The following RAB11FIP3 variants were observed in gnomAD, a reference collection of about 807,000 sequenced individuals.
The protein encoded by RAB11FIP3 is RAB11 family interacting protein 3.
A neutral mutation model predicts 77.8 loss-of-function variants in RAB11FIP3; 17 were observed. That is an observed-to-expected ratio of 0.22 (90% confidence interval 0.15 to 0.33). The LOEUF is 0.33. RAB11FIP3 is among the 10% of genes least tolerant of loss of function. The pLI is 1.00. For synonymous variants in RAB11FIP3, 437 were observed against 448.2 expected (o/e 0.98, Z 0.31); for missense variants, 1,005 against 1,011.2 (o/e 0.99, Z 0.08).
At chr16:459,954 G>A (rs574425832) in intron 1 of RAB11FIP3, among the ~76,000 whole-genome samples, 2 of 146,414 alleles carry the variant, frequency 1.4e-5, no homozygotes, top group Non-Finnish European at 3.0e-5. Flanking sequence ...CTCTGCTCAC[G>A]GCAACTTCTG....
rs571949528 is a variant in RAB11FIP3, at chr16:442,195, G to C, written c.714+15475G>C. ...GTGTTGCCCAGGCCGGAGCGCAGTGGCTGTTTATAGGCTCTGTCACAGTCA... is the reference window on the plus strand; with the variant it reads ...GTGTTGCCCAGGCCGGAGCGCAGTGCCTGTTTATAGGCTCTGTCACAGTCA... On this transcript the variant is annotated intron_variant, in intron 1 of 13. Transcript: ENST00000262305. Among the ~76,000 whole-genome samples the C allele has an allele frequency of 9.9e-5, 15 of 152,250 alleles. No homozygotes were observed. The South Asian group carries it at 3.1e-3, about 32-fold the overall frequency.
Position 461,572 on chromosome 16 carries a change from C to T in RAB11FIP3, c.808+75C>T, listed in dbSNP as rs1031537303. Reference sequence around the variant, plus strand: ...ACCCTCTCAGCCACCTGCACATCACCAGGCTCCTCGTGCTGACTCTAACAT... The same window carrying T: ...ACCCTCTCAGCCACCTGCACATCACTAGGCTCCTCGTGCTGACTCTAACAT... On this transcript the variant is annotated intron_variant, in intron 2 of 13. Transcript: ENST00000262305. This position sits in a 1 kb window ranked among gnomAD's most constrained non-coding sequence, Gnocchi z 4.5. 1 of 1,245,318 alleles carries T rather than the reference C, an allele frequency of 8.0e-7. No homozygotes were observed. The highest frequency in any genetic ancestry group is 1.2e-6 in the Non-Finnish European group (1 of 852,070). 77.1% of individuals were successfully genotyped at this position (1,245,318 alleles called of 1,614,324 possible). A position where few individuals can be genotyped will look rare whatever the true frequency, so the allele number is the denominator to read the frequency against.
intron 4 of RAB11FIP3, among the ~76,000 whole-genome samples, chr16:487,382 A>G (rs2056177975): frequency 6.6e-6 from 1 of 152,096 alleles, no homozygotes; most frequent in African/African-American, 2.4e-5. Context: ...TCGGCCTCCC[A>G]AAGTGCTGGG....
Position 450,983 on chromosome 16 carries a change from ATG to A in RAB11FIP3, c.715-10416_715-10415del, listed in dbSNP as rs573147541. Among the ~76,000 whole-genome samples, 816 of 152,048 alleles carry A rather than the reference ATG, an allele frequency of 5.4e-3. 10 individuals are homozygous for A. Among genetic ancestry groups the A allele is most frequent in the South Asian group, 0.017 (81 of 4,806 alleles). The stretch of plus-strand genomic sequence containing the variant: ...GCAGCGCTCTGCCTGCCATCGTTGA[ATG>A]TGTGGACTCTTTGGTTGCTTTCATA... On this transcript the variant is annotated intron_variant, in intron 1 of 13. Coordinates refer to ENST00000262305, the MANE Select transcript of RAB11FIP3 (RefSeq NM_014700.4).
chr16:438,619 T>C (rs1334078924), intron 1 of RAB11FIP3, among the ~76,000 whole-genome samples: 1 of 150,506 alleles, frequency 6.6e-6, no homozygotes, highest in African/African-American at 2.5e-5. Context: ...CTCCTGACCT[T>C]GGGATCTGTC....
chr16:444,454 C>T (rs1226228833), intron 1 of RAB11FIP3, among the ~76,000 whole-genome samples: 1 of 152,174 alleles, frequency 6.6e-6, no homozygotes, highest in African/African-American at 2.4e-5. Flanking sequence ...AATTATGATA[C>T]TGATAGCTGT....
intron 1 of RAB11FIP3, among the ~76,000 whole-genome samples, chr16:456,693 G>T (rs1425095966): frequency 6.6e-6 from 1 of 152,174 alleles, no homozygotes; most frequent in East Asian, 1.9e-4. Flanking sequence ...GAAGGCGGAG[G>T]TTGTAGTGAG....
chr16:487,285 C>T (rs1372645530), intron 4 of RAB11FIP3, among the ~76,000 whole-genome samples: 4 of 152,154 alleles, frequency 2.6e-5, no homozygotes, highest in Non-Finnish European at 5.9e-5. Context: ...CACCCGCCAC[C>T]ACCCCCAGGT....
chr16:448,708 C>T (rs2055357766), intron 1 of RAB11FIP3, among the ~76,000 whole-genome samples: 1 of 143,082 alleles, frequency 7.0e-6, no homozygotes, highest in South Asian at 2.2e-4. Flanking sequence ...TGCACTCCAG[C>T]CTGGGCAGCA....
intron 1 of RAB11FIP3, among the ~76,000 whole-genome samples, chr16:433,644 CGA>C (rs2055077846): frequency 2.7e-5 from 4 of 150,864 alleles, no homozygotes; most frequent in African/African-American, 9.7e-5. Context: ...GTCAGGAGAT[CGA>C]GACCATCCTA....
Position 480,349 on chromosome 16 carries a change from G to A in RAB11FIP3, c.904-2176G>A, listed in dbSNP as rs566483382. Reference sequence around the variant, plus strand: ...TCATTTTATTTTCATTTTTGAAATAGAGGCTCACTCTGTCGCCCAAGCTGG... The same window carrying A: ...TCATTTTATTTTCATTTTTGAAATAAAGGCTCACTCTGTCGCCCAAGCTGG... On this transcript the variant is annotated intron_variant, in intron 3 of 13. Transcript: ENST00000262305. Among the ~76,000 whole-genome samples, 6 of 146,266 alleles carry A rather than the reference G, an allele frequency of 4.1e-5. No individual in the cohort carries two copies. The South Asian group carries it at 1.1e-3, about 26-fold the overall frequency.
Position 508,364 on chromosome 16 carries a change from CGTTTT to C in RAB11FIP3, c.1500-2275_1500-2271del, listed in dbSNP as rs538830230. Among the ~76,000 whole-genome samples the C allele has an allele frequency of 2.4e-3, 371 of 152,172 alleles. 3 individuals are homozygous for C. Among genetic ancestry groups the C allele is most frequent in the Middle Eastern group, 0.014 (4 of 294 alleles). On this transcript the variant is annotated intron_variant, in intron 8 of 13. Coordinates refer to ENST00000262305, the MANE Select transcript of RAB11FIP3 (RefSeq NM_014700.4). ...TGCACCTGGTTTTCAGCCTTTATTTCGTTTTGTTTTGTTTTGTTTTGTTTTTTGAG... is the reference window on the plus strand; with the variant it reads ...TGCACCTGGTTTTCAGCCTTTATTTCGTTTTGTTTTGTTTTGTTTTTTGAG...
intron 1 of RAB11FIP3, among the ~76,000 whole-genome samples, chr16:457,283 T>A (rs942903105): frequency 1.3e-5 from 2 of 152,242 alleles, no homozygotes; most frequent in African/African-American, 4.8e-5. Context: ...TGTTTCTACA[T>A]CCATAGTAGG....
chr16:499,133 A>T (rs2031338523), intron 6 of RAB11FIP3, among the ~76,000 whole-genome samples: 1 of 152,096 alleles, frequency 6.6e-6, no homozygotes, highest in African/African-American at 2.4e-5. Flanking sequence ...AATCACCTGA[A>T]CCCTGGAGGC....
chr16:475,659 C>G (rs1441837932), intron 3 of RAB11FIP3, among the ~76,000 whole-genome samples: 1 of 152,114 alleles, frequency 6.6e-6, no homozygotes, highest in Non-Finnish European at 1.5e-5. Flanking sequence ...TCTGGAACCC[C>G]CAGGGCATCC....
intron 1 of RAB11FIP3, among the ~76,000 whole-genome samples, chr16:431,969 G>A (rs938097111): frequency 1.3e-5 from 2 of 152,016 alleles, no homozygotes; most frequent in Non-Finnish European, 2.9e-5. Context: ...GTGTTAGCCA[G>A]TATGGTCTTG....
At chr16:431,581 A>G (rs979614933) in intron 1 of RAB11FIP3, among the ~76,000 whole-genome samples, 2 of 151,790 alleles carry the variant, frequency 1.3e-5, no homozygotes, top group Non-Finnish European at 2.9e-5. Flanking sequence ...CGCCGTGTTG[A>G]CTAGGCTGGT....
intron 1 of RAB11FIP3, chr16:451,537 T>C (rs2055408305): frequency 6.6e-6 from 1 of 152,162 alleles, no homozygotes; most frequent in Non-Finnish European, 1.5e-5. Context: ...CCCATCGCTG[T>C]GATTAGAAGG....
At chr16:487,491 G>C (rs1300334814) in intron 4 of RAB11FIP3, among the ~76,000 whole-genome samples, 2 of 152,170 alleles carry the variant, frequency 1.3e-5, no homozygotes, top group South Asian at 2.1e-4. Flanking sequence ...TGCGTGGTGG[G>C]CATTTCTGCG....
Sources: allele counts gnomAD v4.1 joint callset (sites outside exome capture counted in the v4.1 genomes callset), GRCh38; gene constraint gnomAD v4.1.1; non-coding constraint Gnocchi (gnomAD v3.1); transcripts MANE v1.5; gene names NCBI Gene and HGNC (gene_info 2026-07-23, HGNC 2026-07-21).